KCNT2: variants seen among roughly 807,000 people sequenced by gnomAD.
KCNT2 encodes the protein potassium sodium-activated channel subfamily T member 2.
KCNT2 carries 67 observed loss-of-function variants against 153.8 expected under a neutral mutation model. The ratio of observed to expected loss-of-function variants is 0.44; its 90% CI spans 0.36 to 0.53. The LOEUF (loss-of-function observed/expected upper bound fraction) is 0.53. KCNT2 is among the 20% of genes least tolerant of loss of function. The pLI, the probability that KCNT2 is intolerant of heterozygous loss-of-function variation, is 0.00. For missense variants in KCNT2, 975 were observed against 1,354.8 expected (o/e 0.72, Z 4.40); for synonymous variants, 500 against 458.8 (o/e 1.09, Z -1.15).
intron 13 of KCNT2, among the ~76,000 whole-genome samples, chr1:196,396,484 T>C (rs981837880): frequency 6.6e-6 from 1 of 151,608 alleles, no homozygotes; most frequent in African/African-American, 2.4e-5. Flanking sequence ...GACAGCTTGA[T>C]GCACTGCCTT....
intron 7 of KCNT2, among the ~76,000 whole-genome samples, chr1:196,466,020 C>T (rs1677583160): frequency 6.6e-6 from 1 of 151,838 alleles, no homozygotes; most frequent in African/African-American, 2.4e-5. Flanking sequence ...CATCTCTCAC[C>T]CTTTAGTCTC....
intron 25 of KCNT2, among the ~76,000 whole-genome samples, chr1:196,263,666 T>C (rs1447308067): frequency 6.6e-6 from 1 of 152,072 alleles, no homozygotes; most frequent in Non-Finnish European, 1.5e-5. Flanking sequence ...AATTTATGTA[T>C]ATGTCCAAGT....
At chr1:196,476,416 C>T (rs1201181030) in intron 5 of KCNT2, among the ~76,000 whole-genome samples, 1 of 151,982 alleles carries the variant, frequency 6.6e-6, no homozygotes, top group Non-Finnish European at 1.5e-5. Flanking sequence ...TACCCAATAT[C>T]CAGATTTGTC....
rs1025399656 is a variant in KCNT2 at position 196,442,275 on chromosome 1, T to C, written c.639-12518A>G. Among the ~76,000 whole-genome samples the C allele has an allele frequency of 2.0e-5, 3 of 151,822 alleles. No homozygotes were observed. The East Asian group carries it at 5.8e-4, about 29-fold the overall frequency. On this transcript the variant is annotated intron_variant, in intron 8 of 27. Coordinates refer to ENST00000294725, the MANE Select transcript of KCNT2 (RefSeq NM_198503.5). ...ACTAATAAATGAGAACACTTTCAAT[T>C]TGTTACTTCTTGCTTCTTGGAAAAC...
intron 12 of KCNT2, among the ~76,000 whole-genome samples, chr1:196,417,960 T>A (rs1408915109): frequency 6.6e-6 from 1 of 152,170 alleles, no homozygotes; most frequent in Admixed American, 6.5e-5. Flanking sequence ...CACTGAAATG[T>A]TATGTGGTGC....
intron 22 of KCNT2, among the ~76,000 whole-genome samples, chr1:196,298,072 C>T (rs981481262): frequency 6.6e-6 from 1 of 152,114 alleles, no homozygotes; most frequent in African/African-American, 2.4e-5. Flanking sequence ...GAAGATATCT[C>T]CAATCACTGG....
chr1:196,498,167 T>C (rs1680403138), intron 1 of KCNT2, among the ~76,000 whole-genome samples: 1 of 152,188 alleles, frequency 6.6e-6, no homozygotes. Context: ...ATTTTCCTGA[T>C]TCACTCTTAA....
chr1:196,365,654 C>T (rs1667978352), intron 14 of KCNT2, among the ~76,000 whole-genome samples: 1 of 152,128 alleles, frequency 6.6e-6, no homozygotes, highest in Non-Finnish European at 1.5e-5. Flanking sequence ...CTCTTATAGT[C>T]ATGAAATTGT....
At chr1:196,373,351 A>G (rs1211626011) in intron 13 of KCNT2, 103 bp from the exon 14 acceptor site, 1 of 633,896 alleles carries the variant, frequency 1.6e-6, no homozygotes, top group Non-Finnish European at 2.8e-6. Context: ...TCTCAATATA[A>G]ACATACTTGT....
intron 22 of KCNT2, among the ~76,000 whole-genome samples, chr1:196,296,260 A>C (rs1467727169): frequency 6.6e-6 from 1 of 151,962 alleles, no homozygotes. Context: ...ATAAATAAGA[A>C]AATATGATAG....
intron 8 of KCNT2, among the ~76,000 whole-genome samples, chr1:196,460,326 C>CTTT (rs1322158617): frequency 2.0e-5 from 3 of 151,696 alleles, no homozygotes; most frequent in Admixed American, 1.3e-4. Context: ...TGACCTCACA[C>CTTT]AAAACTTAAC....
chr1:196,566,155 A>G (rs968091126), intron 1 of KCNT2, among the ~76,000 whole-genome samples: 10 of 152,162 alleles, frequency 6.6e-5, no homozygotes, highest in African/African-American at 2.2e-4. Flanking sequence ...TTGAGACAGG[A>G]GATCACTAAA....
At chr1:196,524,217 G>A (rs144038761) in intron 1 of KCNT2, among the ~76,000 whole-genome samples, 92 of 152,204 alleles carry the variant, frequency 6.0e-4, no homozygotes, top group Non-Finnish European at 1.0e-3. Flanking sequence ...TGTGTTTCCT[G>A]GGCAGCCATC....
chr1:196,576,106 GTGTA>G (rs1232597491), intron 1 of KCNT2, among the ~76,000 whole-genome samples: 131 of 150,176 alleles, frequency 8.7e-4, no homozygotes, highest in Non-Finnish European at 1.7e-3. Context: ...GTGTGTGTGT[GTGTA>G]TATATATATC....
At chr1:196,352,555 C>A (rs1666815721) in intron 14 of KCNT2, among the ~76,000 whole-genome samples, 3 of 152,008 alleles carry the variant, frequency 2.0e-5, no homozygotes, top group Admixed American at 2.0e-4. Context: ...GGTGATATTC[C>A]CTTTATCACT....
In KCNT2 at chr1:196,322,318, A is replaced by T; in HGVS notation, c.2277-2763T>A. On this transcript the variant is annotated intron_variant, in intron 19 of 27. Transcript: ENST00000294725. ...AATTTGTAGACCACAGTTGCTTAAT[A>T]TATAAAGAAGTATTTGATAATCAAT... is the stretch of plus-strand genomic sequence containing the variant. Among the ~76,000 whole-genome samples the T allele has an allele frequency of 1.3e-5, 2 of 151,930 alleles. 1 individual carries two copies. Among genetic ancestry groups the T allele is most frequent in the Non-Finnish European group, 2.9e-5 (2 of 67,910 alleles).
At position 196,227,811 on chromosome 1, in the gene KCNT2, T is replaced by C. The variant is rs893615839; in HGVS notation, c.*413A>G. 7 of 153,838 alleles carry C rather than the reference T, an allele frequency of 4.6e-5. No individual in the cohort carries two copies. The highest frequency in any genetic ancestry group is 1.7e-4 in the African/African-American group (7 of 41,484). The allele number at this position is 153,838 out of a possible 1,614,324, so 9.5% of individuals were successfully genotyped here. On this transcript the variant is annotated 3_prime_UTR_variant, in exon 28 of 28. Transcript: ENST00000294725. ...GCTCAATTTTGTAAAACAGTAAGTT[T>C]AAAGAATATAATATGACACATTTAA...
At chr1:196,320,689 G>A (rs1449402705) in intron 19 of KCNT2, among the ~76,000 whole-genome samples, 1 of 149,250 alleles carries the variant, frequency 6.7e-6, no homozygotes, top group Non-Finnish European at 1.5e-5. Context: ...GAAAAAGAAT[G>A]CTTAATACAG....
chr1:196,244,193 C>T (rs150415622), intron 26 of KCNT2, among the ~76,000 whole-genome samples: 270 of 152,222 alleles, frequency 1.8e-3, no homozygotes, highest in African/African-American at 5.0e-3. Flanking sequence ...AGCTGTGATA[C>T]CCAGGCAGTA....
Sources: gnomAD v4.1 joint callset for allele counts (sites outside exome capture counted in the v4.1 genomes callset) on GRCh38, gnomAD v4.1.1 for gene constraint, MANE v1.5 for transcripts, NCBI Gene and HGNC (gene_info 2026-07-23, HGNC 2026-07-21) for gene names.